CHD6: variants seen among roughly 807,000 people sequenced by gnomAD.
CHD6 encodes ATP-dependent chromatin remodeler CHD6.
CHD6 carries 50 observed loss-of-function variants against 276.9 expected under a neutral mutation model. That is an observed-to-expected ratio of 0.18 (90% confidence interval 0.14 to 0.23). The LOEUF is 0.23. CHD6 is among the 10% of genes least tolerant of loss of function. CHD6 has a pLI of 1.00. For synonymous variants in CHD6, 1,173 were observed against 1,229.3 expected, an observed-to-expected ratio of 0.95 and a Z score of 0.96; for missense variants, 2,564 against 3,365.8, an observed-to-expected ratio of 0.76 and a Z score of 5.89.
chr20:41,536,217 T>A (rs954326527), intron 2 of CHD6, among the ~76,000 whole-genome samples: 1 of 152,140 alleles, frequency 6.6e-6, no homozygotes, highest in East Asian at 1.9e-4. Context: ...GGCCACAAGG[T>A]GCCAAAAATA....
At chr20:41,458,772 T>C (rs2048454659) in intron 17 of CHD6, among the ~76,000 whole-genome samples, 1 of 152,106 alleles carries the variant, frequency 6.6e-6, no homozygotes, top group Non-Finnish European at 1.5e-5. Flanking sequence ...TCCTAGTCTC[T>C]TTTAGCGGGA....
At position 41,449,490 on chromosome 20, in the gene CHD6, T is replaced by C. The variant is rs116693536; in HGVS notation, c.3683+1456A>G. On this transcript the variant is annotated intron_variant, in intron 23 of 36. Coordinates refer to ENST00000373233, the MANE Select transcript of CHD6 (RefSeq NM_032221.5). ...ATGAGAGAACAGAATTGAAAGCCAA[T>C]AGTATTCAATTCTCCTCCAAATGGA... Among the ~76,000 whole-genome samples the C allele has an allele frequency of 3.7e-3, 564 of 152,210 alleles. 4 individuals are homozygous for C. The highest frequency in any genetic ancestry group is 0.012 in the African/African-American group (519 of 41,554).
At chr20:41,502,323 T>A (rs991680460) in intron 5 of CHD6, among the ~76,000 whole-genome samples, 3 of 152,214 alleles carry the variant, frequency 2.0e-5, no homozygotes, top group African/African-American at 7.2e-5. Context: ...ATGTAATCAA[T>A]TAAAAAATTA....
intron 14 of CHD6, 50 bp downstream of exon 14, chr20:41,487,615 A>G: frequency 6.5e-7 from 1 of 1,541,910 alleles, no homozygotes; most frequent in Non-Finnish European, 8.7e-7. Context: ...TCTTTTCTTG[A>G]TGAAGATAAC....
chr20:41,617,233 T>C (rs1044237803), intron 1 of CHD6, among the ~76,000 whole-genome samples: 12 of 152,128 alleles, frequency 7.9e-5, no homozygotes, highest in African/African-American at 2.9e-4. Context: ...ACCAGAAACC[T>C]TGGCCAGATT....
At chr20:41,504,257 T>G (rs898981539) in intron 5 of CHD6, among the ~76,000 whole-genome samples, 1 of 151,876 alleles carries the variant, frequency 6.6e-6, no homozygotes, top group African/African-American at 2.4e-5. Flanking sequence ...CTGCATCTAA[T>G]CTACTTATAA....
chr20:41,608,259 C>G (rs545665892), intron 1 of CHD6, among the ~76,000 whole-genome samples: 1 of 151,880 alleles, frequency 6.6e-6, no homozygotes, highest in African/African-American at 2.4e-5. Flanking sequence ...TTCCATTAAG[C>G]AAAAAAATAG....
chr20:41,421,779 T>C lies in CHD6; in HGVS notation c.4856A>G (p.Lys1619Arg). Residue 1619 changes from lysine (K) to arginine (R), a missense_variant, in exon 31 of 37, where the codon AAA (lysine) becomes AGA (arginine). Lys to Arg is a conservative substitution (Grantham distance 26, BLOSUM62 2). Coordinates refer to ENST00000373233, the MANE Select transcript of CHD6 (RefSeq NM_032221.5). ...LDAYRNYAQH[K>R]RSGTQAPGNL... ...TCCTGGTGCCTGGGTGCCAGATCTT[T>C]TATGCTGGGCATAGTTTCTATAGGC... is the stretch of plus-strand genomic sequence containing the variant. 1 of 1,614,226 alleles carries C rather than the reference T, an allele frequency of 6.2e-7. No individual in the cohort carries two copies. Among genetic ancestry groups the C allele is most frequent in the Non-Finnish European group, 8.5e-7 (1 of 1,180,048 alleles).
At chr20:41,478,298 G>A (rs1001543522) in intron 16 of CHD6, among the ~76,000 whole-genome samples, 3 of 152,150 alleles carry the variant, frequency 2.0e-5, no homozygotes, top group African/African-American at 2.4e-5. Flanking sequence ...TGGTAAGGAG[G>A]AGCAAGGTCC....
chr20:41,533,239 C>A lies in CHD6; in HGVS notation c.365G>T (p.Arg122Leu). Residue 122 changes from arginine to leucine, a missense_variant, in exon 3 of 37, where the codon CGA (arginine) becomes CTA (leucine). Around this residue, in one of 7 missense-constraint regions of CHD6, gnomAD observed 286 missense variants for 297.8 expected, o/e 0.96. Coordinates refer to ENST00000373233, the MANE Select transcript of CHD6 (RefSeq NM_032221.5). Reference sequence around the variant, plus strand: ...GGGTTCCTTTGGCTCTTTCGGTTCTCGTTTCCTCTTTGGCTTGGGCTCTCT... The same window carrying A: ...GGGTTCCTTTGGCTCTTTCGGTTCTAGTTTCCTCTTTGGCTTGGGCTCTCT... ...KDREPKPKRK[R>L]EPKEPKEPRK... The A allele has an allele frequency of 6.2e-7, 1 of 1,613,678 alleles. No individual in the cohort carries two copies. Among genetic ancestry groups the A allele is most frequent in the South Asian group, 1.1e-5 (1 of 91,052 alleles).
At chr20:41,504,498 T>G (rs1414141522) in intron 5 of CHD6, among the ~76,000 whole-genome samples, 2 of 146,298 alleles carry the variant, frequency 1.4e-5, no homozygotes, top group East Asian at 4.3e-4. Context: ...AAACCTCCAC[T>G]TCCCAGGCTC....
chr20:41,416,108 C>T (rs2046988194), intron 33 of CHD6, among the ~76,000 whole-genome samples: 1 of 152,160 alleles, frequency 6.6e-6, no homozygotes, highest in Non-Finnish European at 1.5e-5. Context: ...AAACTCATCA[C>T]CCCCACCAAA....
At chr20:41,547,652 C>A in intron 2 of CHD6, 2 of 716,676 alleles carry the variant, frequency 2.8e-6, no homozygotes, top group African/African-American at 1.8e-5. Flanking sequence ...TACCTTCTGC[C>A]TCTGCCCTAA....
intron 2 of CHD6, among the ~76,000 whole-genome samples, chr20:41,536,387 T>C (rs143748967): frequency 1.2e-3 from 180 of 152,278 alleles, no homozygotes; most frequent in African/African-American, 4.0e-3. Flanking sequence ...CAATCCACAA[T>C]ATTCCTGGAA....
intron 31 of CHD6, among the ~76,000 whole-genome samples, chr20:41,418,216 TGA>T (rs1476174746): frequency 1.3e-5 from 2 of 152,118 alleles, no homozygotes; most frequent in Non-Finnish European, 2.9e-5. Context: ...TACAGCCCTA[TGA>T]GGGAAGACAG....
rs117548429 is a variant in CHD6 at position 41,531,569 on chromosome 20, C to G, written c.554+1481G>C. 2.5e-3 allele frequency among the ~76,000 whole-genome samples: 379 copies of G among 152,276 alleles called. 4 individuals are homozygous for G. The highest frequency in any genetic ancestry group is 1.9e-3 in the South Asian group (9 of 4,820). On this transcript the variant is annotated intron_variant, in intron 3 of 36. Transcript: ENST00000373233. The stretch of plus-strand genomic sequence containing the variant: ...TGTTAAGGTTTTAGTTAGGCAGAAT[C>G]CTGAGTTTTGTCTACCTCTCTCTTG...
intron 11 of CHD6, among the ~76,000 whole-genome samples, chr20:41,491,107 T>C (rs1443365799): frequency 2.0e-5 from 3 of 152,096 alleles, no homozygotes; most frequent in African/African-American, 7.2e-5. Context: ...ACATTATAAA[T>C]ACTGTACACT....
At chr20:41,408,147 A>G (rs1160171188) in intron 36 of CHD6, among the ~76,000 whole-genome samples, 1 of 150,846 alleles carries the variant, frequency 6.6e-6, no homozygotes, top group Non-Finnish European at 1.5e-5. Context: ...TCTTCTCAAA[A>G]AGCCTTGGTT....
At chr20:41,551,193 CA>C (rs1286895754) in intron 2 of CHD6, 111 bp downstream of exon 2, 1 of 729,132 alleles carries the variant, frequency 1.4e-6, no homozygotes, top group East Asian at 2.7e-5. Context: ...ATACAGGCAA[CA>C]GGGAAAGTAC....
Sources: allele counts gnomAD v4.1 joint callset (sites outside exome capture counted in the v4.1 genomes callset), GRCh38; gene constraint gnomAD v4.1.1; regional missense constraint gnomAD v4.1.1; transcripts MANE v1.5; gene names NCBI Gene and HGNC (gene_info 2026-07-23, HGNC 2026-07-21).